Variants in ANKRD44 observed in about 807,000 individuals in gnomAD.
ANKRD44 encodes ankyrin repeat domain 44.
Under a neutral mutation model 116.0 loss-of-function variants are expected in ANKRD44, and 35 were observed. That is an observed-to-expected ratio of 0.30 (90% CI 0.23 to 0.40). The LOEUF (loss-of-function observed/expected upper bound fraction) is 0.40, where lower values mean the gene tolerates loss of function less well. Among genes scored for constraint, ANKRD44 ranks in the 10% least tolerant of loss-of-function variants. The pLI, the probability that ANKRD44 is intolerant of heterozygous loss-of-function variation, is 1.00. For synonymous variants in ANKRD44, 435 were observed against 461.8 expected (o/e 0.94, Z 0.74); for missense variants, 1,014 against 1,242.6 (o/e 0.82, Z 2.77).
At chr2:197,031,178 T>A (rs575191108) in intron 16 of ANKRD44, among the ~76,000 whole-genome samples, 1 of 152,136 alleles carries the variant, frequency 6.6e-6, no homozygotes, top group Non-Finnish European at 1.5e-5. Flanking sequence ...TTTTTTTTTT[T>A]ATAAAGCAGT....
chr2:197,249,556 A>T (rs1449883623), intron 1 of ANKRD44, among the ~76,000 whole-genome samples: 1 of 152,236 alleles, frequency 6.6e-6, no homozygotes, highest in Non-Finnish European at 1.5e-5. Flanking sequence ...TTCAGCAAAC[A>T]CACTCAATAA....
chr2:197,066,153 A>G (rs1393278016), intron 16 of ANKRD44, among the ~76,000 whole-genome samples: 1 of 152,144 alleles, frequency 6.6e-6, no homozygotes, highest in Non-Finnish European at 1.5e-5. Flanking sequence ...ATCAATAAAC[A>G]TAATCCAGCA....
intron 8 of ANKRD44, among the ~76,000 whole-genome samples, chr2:197,112,572 G>A (rs1009963780): frequency 6.6e-6 from 1 of 152,034 alleles, no homozygotes; most frequent in South Asian, 2.1e-4. Context: ...AGCCAGGTGT[G>A]GTGGCGGGGC....
chr2:197,042,907 G>T (rs2076937480), intron 16 of ANKRD44, among the ~76,000 whole-genome samples: 1 of 152,132 alleles, frequency 6.6e-6, no homozygotes, highest in African/African-American at 2.4e-5. Flanking sequence ...TATGAATTTG[G>T]GCCACCAGGA....
At chr2:197,079,851 A>C (rs1460949984) in intron 15 of ANKRD44, among the ~76,000 whole-genome samples, 2 of 152,250 alleles carry the variant, frequency 1.3e-5, no homozygotes, top group African/African-American at 2.4e-5. Flanking sequence ...AAACGAAAAA[A>C]GTCAATTACA....
chr2:197,029,537 C>A, intron 16 of ANKRD44: 1 of 481,690 alleles, frequency 2.1e-6, no homozygotes, highest in East Asian at 6.1e-5. Context: ...CACTTTCAGT[C>A]CAATGCAGAA....
chr2:197,051,498 A>G (rs2077106740), intron 16 of ANKRD44, among the ~76,000 whole-genome samples: 1 of 152,152 alleles, frequency 6.6e-6, no homozygotes, highest in Admixed American at 6.5e-5. Context: ...GGCTCAAACA[A>G]TCCTCCTGCT....
Position 197,310,600 on chromosome 2 carries a change from G to T in ANKRD44, c.5C>A (p.Ala2Glu). 2 of 1,323,698 alleles carry T rather than the reference G, an allele frequency of 1.5e-6. No individual in the cohort carries two copies. The highest frequency in any genetic ancestry group is 2.0e-6 in the Non-Finnish European group (2 of 1,012,314). 82.0% of individuals were successfully genotyped at this position (1,323,698 alleles called of 1,614,324 possible). M[A>E]VLKLTDQPPL... Reference sequence around the variant, plus strand: ...TACCTGGTCGGTGAGTTTGAGCACTGCCATTCTTCCGCTCCTTCGCGCGCA... The same window carrying T: ...TACCTGGTCGGTGAGTTTGAGCACTTCCATTCTTCCGCTCCTTCGCGCGCA... The change falls in exon 1 of 28, where the codon GCA (alanine) becomes GAA (glutamate). Residue 2 changes from alanine to glutamate, a missense_variant. Coordinates refer to ENST00000282272, the MANE Select transcript of ANKRD44 (RefSeq NM_001195144.2).
intron 17 of ANKRD44, among the ~76,000 whole-genome samples, chr2:197,021,813 CT>C (rs1200821603): frequency 1.3e-5 from 2 of 152,186 alleles, no homozygotes; most frequent in African/African-American, 4.8e-5. Context: ...AAACAATTAT[CT>C]CTTAAACGTG....
chr2:197,126,384 A>C (rs560000931), intron 4 of ANKRD44, among the ~76,000 whole-genome samples: 1 of 152,356 alleles, frequency 6.6e-6, no homozygotes, highest in Non-Finnish European at 1.5e-5. Flanking sequence ...ACCATAGACA[A>C]AAAGACCTCA....
intron 1 of ANKRD44, among the ~76,000 whole-genome samples, chr2:197,200,514 T>C (rs1396622170): frequency 6.6e-6 from 1 of 152,106 alleles, no homozygotes; most frequent in African/African-American, 2.4e-5. Flanking sequence ...CTTAAAGATA[T>C]AAAAAATTCC....
Position 197,001,742 on chromosome 2 carries a change from T to C in ANKRD44, c.2435+11A>G, listed in dbSNP as rs756445101. 6.3e-7 allele frequency: 1 copy of C among 1,591,094 alleles called. No homozygotes were observed. Among genetic ancestry groups the C allele is most frequent in the Non-Finnish European group, 8.6e-7 (1 of 1,167,352 alleles). On this transcript the variant is annotated intron_variant, in intron 22 of 27. Transcript: ENST00000282272. ...AAAGCAACATCATTAACTCTCAGCG[T>C]TTCTACTTACATTGCACAGTGCAGT...
At chr2:197,263,060 C>G (rs2082648881) in intron 1 of ANKRD44, 1 of 373,062 alleles carries the variant, frequency 2.7e-6, no homozygotes, top group Non-Finnish European at 5.1e-6. Flanking sequence ...GGTGTTGTGT[C>G]TTCCCTGCAC....
intron 1 of ANKRD44, among the ~76,000 whole-genome samples, chr2:197,243,347 C>A (rs1379908524): frequency 6.6e-6 from 1 of 151,324 alleles, no homozygotes; most frequent in East Asian, 1.9e-4. Flanking sequence ...ACCTAAGAAA[C>A]AAGGAATCCA....
chr2:197,258,817 T>G (rs2082524563), intron 1 of ANKRD44, among the ~76,000 whole-genome samples: 1 of 152,256 alleles, frequency 6.6e-6, no homozygotes, highest in Non-Finnish European at 1.5e-5. Flanking sequence ...TGGTTTTGAC[T>G]GGCATTTCCC....
chr2:197,079,270 A>C (rs1399694613), intron 15 of ANKRD44, among the ~76,000 whole-genome samples: 1 of 152,148 alleles, frequency 6.6e-6, no homozygotes, highest in Non-Finnish European at 1.5e-5. Context: ...TAGAAAATGA[A>C]AGTTAAAAAG....
chr2:196,993,805 A>AG lies in ANKRD44; in HGVS notation c.2832-132dup, dbSNP rs1290510870. The stretch of plus-strand genomic sequence containing the variant: ...AATAGTACATGGATGTTTTTACTTA[A>AG]GAAAAAAAAATGCTGACCAGATCTT... On this transcript the variant is annotated intron_variant, in intron 26 of 27. Coordinates refer to ENST00000282272, the MANE Select transcript of ANKRD44 (RefSeq NM_001195144.2). 6.1e-5 allele frequency: 42 copies of AG among 693,686 alleles called. No homozygotes were observed. In the East Asian group the frequency reaches 1.2e-3, roughly 20 times the overall value. The allele number at this position is 693,686 out of a possible 1,614,324, so 43.0% of individuals were successfully genotyped here. A position where few individuals can be genotyped will look rare whatever the true frequency, so the allele number is the denominator to read the frequency against.
rs1029226720 is a variant in ANKRD44, at chr2:196,988,401, A to G, written c.*1190T>C. ...TCTTCTCTAAACAAACGAAAAGGACAGAAGGTGGGAAGCACAACACCAAGA... is the reference window on the plus strand; with the variant it reads ...TCTTCTCTAAACAAACGAAAAGGACGGAAGGTGGGAAGCACAACACCAAGA... On this transcript the variant is annotated 3_prime_UTR_variant, in exon 28 of 28. Transcript: ENST00000282272. 7 of 985,448 alleles carry G rather than the reference A, an allele frequency of 7.1e-6. No individual in the cohort carries two copies. The highest frequency in any genetic ancestry group is 4.7e-5 in the South Asian group (1 of 21,290). The allele number at this position is 985,448 out of a possible 1,614,324, so 61.0% of individuals were successfully genotyped here.
rs191938859 is a variant in ANKRD44 at position 197,272,164 on chromosome 2, C to A, written c.27+38414G>T. ...TCAGAACCTTACTAGGCTGGCACCC[C>A]GATCTGGGAATTCCTAGCCTCCTGA... On this transcript the variant is annotated intron_variant, in intron 1 of 27. Coordinates refer to ENST00000282272, the MANE Select transcript of ANKRD44 (RefSeq NM_001195144.2). Among the ~76,000 whole-genome samples the A allele has an allele frequency of 4.9e-3, 744 of 152,256 alleles. 8 individuals are homozygous for A. Among genetic ancestry groups the A allele is most frequent in the African/African-American group, 0.017 (722 of 41,548 alleles).
Sources: allele counts gnomAD v4.1 joint callset (sites outside exome capture counted in the v4.1 genomes callset), GRCh38; gene constraint gnomAD v4.1.1; transcripts MANE v1.5; gene names NCBI Gene and HGNC (gene_info 2026-07-23, HGNC 2026-07-21).